The following SGCG variants were observed in gnomAD, a reference collection of about 807,000 sequenced individuals.
SGCG encodes the protein sarcoglycan gamma, also known as gamma-sarcoglycan.
SGCG carries 26 observed loss-of-function variants against 29.3 expected under a neutral mutation model. That is an observed-to-expected ratio of 0.89 (90% CI 0.65 to 1.23). The LOEUF (loss-of-function observed/expected upper bound fraction) is 1.23, where lower values mean the gene tolerates loss of function less well. Ranked by LOEUF, SGCG falls within the 50% of genes most tolerant of loss-of-function variation. The pLI is 0.00. For synonymous variants in SGCG, 145 were observed against 129.7 expected (o/e 1.12, Z -0.80); for missense variants, 353 against 356.0 (o/e 0.99, Z 0.07).
chr13:23,257,441 T>G (rs1486730021), intron 4 of SGCG, among the ~76,000 whole-genome samples: 1 of 152,076 alleles, frequency 6.6e-6, no homozygotes, highest in Non-Finnish European at 1.5e-5. Flanking sequence ...GGGTGGGCAT[T>G]TAGTGCTGTA....
intron 3 of SGCG, among the ~76,000 whole-genome samples, chr13:23,241,868 T>C (rs558754810): frequency 4.0e-4 from 61 of 152,130 alleles, no homozygotes; most frequent in Non-Finnish European, 6.8e-4. Flanking sequence ...GAAAAAGCAT[T>C]TGATAAAATT....
intron 1 of SGCG, among the ~76,000 whole-genome samples, chr13:23,182,741 C>T (rs612443): frequency 0.064 from 9,808 of 152,272 alleles, 661 homozygotes; most frequent in African/African-American, 0.17. Context: ...ACTGCCTGCT[C>T]GACTTCAGTA....
At chr13:23,243,112 G>C (rs1879569644) in intron 3 of SGCG, among the ~76,000 whole-genome samples, 1 of 152,240 alleles carries the variant, frequency 6.6e-6, no homozygotes, top group East Asian at 1.9e-4. Context: ...TAGATACAGA[G>C]TCAATTCTGC....
chr13:23,309,355 C>T (rs548519553), intron 6 of SGCG, among the ~76,000 whole-genome samples: 1 of 152,260 alleles, frequency 6.6e-6, no homozygotes, highest in Admixed American at 6.5e-5. Context: ...GATCCTTCTG[C>T]CTCAGCCTCC....
chr13:23,213,127 C>A (rs1478211859), intron 2 of SGCG, among the ~76,000 whole-genome samples: 2 of 152,068 alleles, frequency 1.3e-5, no homozygotes, highest in Non-Finnish European at 2.9e-5. Flanking sequence ...CATATCTTTG[C>A]AGTGGTTTCA....
chr13:23,226,937 G>C (rs776716124), intron 2 of SGCG, among the ~76,000 whole-genome samples: 1 of 152,168 alleles, frequency 6.6e-6, no homozygotes, highest in Admixed American at 6.5e-5. Flanking sequence ...AAGCTGTCCC[G>C]GAATGAGGCA....
chr13:23,201,080 G>A (rs998861615), intron 1 of SGCG, among the ~76,000 whole-genome samples: 1 of 152,186 alleles, frequency 6.6e-6, no homozygotes, highest in Non-Finnish European at 1.5e-5. Context: ...GAAATGGACT[G>A]TAGGAGATTT....
rs1484553312 is a variant in SGCG at position 23,295,467 on chromosome 13, CG to C, written c.559del (p.Asp187ThrfsTer8). On this transcript the variant is annotated frameshift_variant, in exon 6 of 8. Coordinates refer to ENST00000218867, the MANE Select transcript of SGCG (RefSeq NM_000231.3). LOFTEE classifies it high-confidence loss of function. ...CAGTGGAGACACCCCTTGTCAGAGC[CG>C]ACCCGTTTCAAGACCTTAGGTAAGA... ...HSVETPLVRA[D>X]PFQDLRLESP... The C allele has an allele frequency of 1.9e-6, 3 of 1,613,676 alleles. No homozygotes were observed.
chr13:23,304,153 T>C (rs1458385938), intron 6 of SGCG, among the ~76,000 whole-genome samples: 1 of 152,190 alleles, frequency 6.6e-6, no homozygotes, highest in African/African-American at 2.4e-5. Flanking sequence ...TCATCCCTGA[T>C]ATATGTTTTA....
intron 6 of SGCG, among the ~76,000 whole-genome samples, chr13:23,300,809 TAAAA>T (rs58050317): frequency 0.17 from 20,501 of 122,394 alleles, 1,856 homozygotes; most frequent in South Asian, 0.21. Flanking sequence ...ACTAGTTTAC[TAAAA>T]AAAAAAAAAA....
upstream of SGCG, among the ~76,000 whole-genome samples, chr13:23,178,744 A>G (rs1275636241): frequency 1.3e-5 from 2 of 152,130 alleles, no homozygotes; most frequent in Non-Finnish European, 2.9e-5. Flanking sequence ...CTCAAAATAG[A>G]AATGATTTCT....
chr13:23,313,688 C>A (rs958403273), intron 6 of SGCG, among the ~76,000 whole-genome samples: 1 of 152,202 alleles, frequency 6.6e-6, no homozygotes, highest in Admixed American at 6.5e-5. Flanking sequence ...CCTGCCTTAG[C>A]AATCAAGTCA....
intron 4 of SGCG, among the ~76,000 whole-genome samples, chr13:23,264,290 A>G (rs1264639084): frequency 2.6e-5 from 4 of 152,082 alleles, no homozygotes; most frequent in African/African-American, 7.2e-5. Context: ...ACCAACAGCA[A>G]CCAAGCCGAG....
At chr13:23,250,158 A>C (rs1403614565) in intron 3 of SGCG, among the ~76,000 whole-genome samples, 3 of 152,244 alleles carry the variant, frequency 2.0e-5, no homozygotes, top group African/African-American at 7.2e-5. Context: ...GTCTGTAATT[A>C]TAACTCTGCT....
At chr13:23,253,685 A>G (rs1880062903) in intron 4 of SGCG, among the ~76,000 whole-genome samples, 1 of 152,202 alleles carries the variant, frequency 6.6e-6, no homozygotes, top group Non-Finnish European at 1.5e-5. Flanking sequence ...CGTCCCCTCC[A>G]AATGTCATGG....
intron 3 of SGCG, among the ~76,000 whole-genome samples, chr13:23,247,954 T>TAAAAA (rs200707498): frequency 9.0e-6 from 1 of 110,664 alleles, no homozygotes; most frequent in African/African-American, 3.6e-5. Context: ...TCCCATCTCT[T>TAAAAA]AAAAAAAAAA....
At chr13:23,324,126 T>C (rs1179887134) in intron 7 of SGCG, among the ~76,000 whole-genome samples, 1 of 152,188 alleles carries the variant, frequency 6.6e-6, no homozygotes, top group African/African-American at 2.4e-5. Flanking sequence ...ACTCAAACAA[T>C]GACAAACCGG....
chr13:23,314,382 T>TTTTATATA (rs1240016735), intron 6 of SGCG, among the ~76,000 whole-genome samples: 2,378 of 78,542 alleles, frequency 0.03, 72 homozygotes, highest in Middle Eastern at 0.036. Flanking sequence ...CTGCTATAGG[T>TTTTATATA]TATATATATA....
At chr13:23,302,964 T>C (rs1019466304) in intron 6 of SGCG, among the ~76,000 whole-genome samples, 6 of 152,230 alleles carry the variant, frequency 3.9e-5, no homozygotes, top group African/African-American at 1.4e-4. Context: ...TTAAAAGTTA[T>C]TTGTAATGAC....
Sources: gnomAD v4.1 joint callset for allele counts (sites outside exome capture counted in the v4.1 genomes callset) on GRCh38, gnomAD v4.1.1 for gene constraint, MANE v1.5 for transcripts, NCBI Gene and HGNC (gene_info 2026-07-23, HGNC 2026-07-21) for gene names.